ROBO2: variants seen among roughly 807,000 people sequenced by gnomAD.
ROBO2 encodes roundabout homolog 2.
In ROBO2, 53 loss-of-function variants were observed where a neutral mutation model predicts 160.8. The observed-to-expected ratio is 0.33, with a 90% CI of 0.26 to 0.41. The LOEUF (loss-of-function observed/expected upper bound fraction) is 0.41, where lower values mean the gene tolerates loss of function less well. Among genes scored for constraint, ROBO2 ranks in the 10% least tolerant of loss-of-function variants. The probability of loss-of-function intolerance (pLI) is 1.00; values close to 1 mark genes in which losing one functional copy is unlikely to be tolerated. For synonymous variants in ROBO2, 664 were observed against 611.7 expected (o/e 1.09, Z -1.26); for missense variants, 1,577 against 1,722.4 (o/e 0.92, Z 1.49).
rs570287007 is a variant in ROBO2, at chr3:77,478,709, A to T, written c.546+1138A>T. 5.0e-4 allele frequency among the ~76,000 whole-genome samples: 76 copies of T among 152,326 alleles called. 1 individual carries two copies. The highest frequency in any genetic ancestry group is 5.7e-4 in the Non-Finnish European group (39 of 68,032). On this transcript the variant is annotated intron_variant, in intron 3 of 25. Coordinates refer to ENST00000461745, the Ensembl canonical transcript of ROBO2. ...GACTGAATAAATGTGCCATTTTAAT[A>T]AAAAAACTATAAAGTATTGGTATCT...
intron 2 of ROBO2, among the ~76,000 whole-genome samples, chr3:77,229,068 A>G (rs536336746): frequency 6.6e-6 from 1 of 152,264 alleles, no homozygotes; most frequent in East Asian, 1.9e-4. Context: ...ATATTTAAGA[A>G]CTGCTTTTAA....
rs71104641 is a variant in ROBO2 at position 76,939,979 on chromosome 3, A to ATTTTTTTTTT, written c.110-158024_110-158015dup. On this transcript the variant is annotated intron_variant, in intron 2 of 26. Coordinates refer to the ROBO2 transcript ENST00000487694. Reference sequence around the variant, plus strand: ...GGCAGAGGAAGGACAAAGCAACAGGATTTTTTTTTTTTTTTTTTTTGAGAC... The same window carrying ATTTTTTTTTT: ...GGCAGAGGAAGGACAAAGCAACAGGATTTTTTTTTTTTTTTTTTTTTTTTTTTTTTGAGAC... Among the ~76,000 whole-genome samples, 169 of 120,516 alleles carry ATTTTTTTTTT rather than the reference A, an allele frequency of 1.4e-3. 12 individuals are homozygous for ATTTTTTTTTT. Among genetic ancestry groups the ATTTTTTTTTT allele is most frequent in the African/African-American group, 5.6e-3 (159 of 28,628 alleles). The allele number at this position is 120,516 out of a possible 152,430, so 79.1% of individuals were successfully genotyped here. A position where few individuals can be genotyped will look rare whatever the true frequency, so the allele number is the denominator to read the frequency against.
At chr3:77,536,550 A>C (rs2092116266) in intron 6 of ROBO2, among the ~76,000 whole-genome samples, 1 of 151,988 alleles carries the variant, frequency 6.6e-6, no homozygotes, top group Non-Finnish European at 1.5e-5. Context: ...TTGTATTACA[A>C]CCTTCATTGT....
At chr3:77,118,400 G>C (rs897274683) in intron 2 of ROBO2, among the ~76,000 whole-genome samples, 2 of 152,168 alleles carry the variant, frequency 1.3e-5, no homozygotes, top group South Asian at 4.1e-4. Context: ...AGCAGTTGTA[G>C]GGAAGCCATT....
At chr3:76,611,320 A>G (rs1047920406) in intron 2 of ROBO2, among the ~76,000 whole-genome samples, 2 of 152,234 alleles carry the variant, frequency 1.3e-5, no homozygotes, top group Middle Eastern at 3.4e-3. Context: ...GGCCTCATAC[A>G]TACTGAATAG....
At position 77,067,016 on chromosome 3, in the gene ROBO2, A is replaced by G. The variant is rs578030772; in HGVS notation, c.61+26170A>G. Among the ~76,000 whole-genome samples the G allele has an allele frequency of 1.0e-3, 139 of 136,966 alleles. 1 individual carries two copies. The highest frequency in any genetic ancestry group is 1.3e-3 in the Non-Finnish European group (86 of 66,044). 89.9% of individuals were successfully genotyped at this position (136,966 alleles called of 152,430 possible). A position where few individuals can be genotyped will look rare whatever the true frequency, so the allele number is the denominator to read the frequency against. Reference sequence around the variant, plus strand: ...CACACACATACACTCACACACTCTCACACACACACACTCACACACACACAC... The same window carrying G: ...CACACACATACACTCACACACTCTCGCACACACACACTCACACACACACAC... On this transcript the variant is annotated intron_variant, in intron 1 of 25. Transcript: ENST00000461745.
intron 2 of ROBO2, among the ~76,000 whole-genome samples, chr3:76,734,546 A>C (rs910087826): frequency 2.0e-5 from 3 of 152,158 alleles, no homozygotes; most frequent in African/African-American, 7.2e-5. Context: ...GACTTTCAGC[A>C]AATTGATTTT....
intron 9 of ROBO2, among the ~76,000 whole-genome samples, chr3:77,559,992 C>T: frequency 6.6e-6 from 1 of 152,088 alleles, no homozygotes; most frequent in Non-Finnish European, 1.5e-5. Context: ...TGCCAACTCT[C>T]TTTGTGTAAA....
intron 2 of ROBO2, among the ~76,000 whole-genome samples, chr3:76,974,126 A>G (rs1365187308): frequency 6.6e-6 from 1 of 152,204 alleles, no homozygotes; most frequent in Non-Finnish European, 1.5e-5. Context: ...AAATAAAATT[A>G]TCTTTTATTT....
At chr3:77,200,321 A>ATATTTTTT (rs1491568129) in intron 2 of ROBO2, among the ~76,000 whole-genome samples, 4 of 54,910 alleles carry the variant, frequency 7.3e-5, no homozygotes, top group Non-Finnish European at 1.7e-4. Context: ...ATATATATAT[A>ATATTTTTT]TTTTAGTTTC....
chr3:76,432,369 G>T (rs1577146069), intron 2 of ROBO2, among the ~76,000 whole-genome samples: 2 of 152,122 alleles, frequency 1.3e-5, no homozygotes, highest in East Asian at 3.9e-4. Flanking sequence ...AAAACTCAGT[G>T]ACTTAAAACA....
chr3:77,583,233 G>T (rs1464353922), intron 16 of ROBO2, among the ~76,000 whole-genome samples: 1 of 151,854 alleles, frequency 6.6e-6, no homozygotes, highest in African/African-American at 2.4e-5. Context: ...TTCAACTCAG[G>T]GATGCTGTTC....
intron 2 of ROBO2, among the ~76,000 whole-genome samples, chr3:77,031,532 T>G (rs2063323557): frequency 6.8e-6 from 1 of 146,422 alleles, no homozygotes; most frequent in Non-Finnish European, 1.5e-5. Flanking sequence ...TATAATATAT[T>G]CATTTGTATA....
intron 2 of ROBO2, among the ~76,000 whole-genome samples, chr3:76,160,729 TTTTTTC>T (rs960070207): frequency 5.9e-5 from 9 of 152,156 alleles, no homozygotes; most frequent in African/African-American, 2.2e-4. Flanking sequence ...ATGAGAGGGC[TTTTTTC>T]AAACTGAGGT....
chr3:77,126,714 T>TATATATATATATATATATA lies in ROBO2; in HGVS notation c.388+28374_388+28375insATATATATATATATATATA, dbSNP rs1560065744. 1.4e-3 allele frequency among the ~76,000 whole-genome samples: 196 copies of TATATATATATATATATATA among 137,640 alleles called. 2 individuals are homozygous for TATATATATATATATATATA. The highest frequency in any genetic ancestry group is 6.4e-3 in the African/African-American group (188 of 29,228). The allele number at this position is 137,640 out of a possible 152,430, so 90.3% of individuals were successfully genotyped here. A position where few individuals can be genotyped will look rare whatever the true frequency, so the allele number is the denominator to read the frequency against. On this transcript the variant is annotated intron_variant, in intron 2 of 25. Transcript: ENST00000461745. ...TATGGGTGGATATATATATATATAT[T>TATATATATATATATATATA]TTTTTTCCTTTGAAAGATGGTGAAG...
chr3:75,951,755 G>A (rs1303627732), intron 2 of ROBO2, among the ~76,000 whole-genome samples: 3 of 151,702 alleles, frequency 2.0e-5, no homozygotes, highest in Admixed American at 2.0e-4. Flanking sequence ...CTCATGTGTG[G>A]TGGAAAAAAA....
chr3:75,911,552 CTTTT>C (rs56787695), intron 1 of ROBO2, among the ~76,000 whole-genome samples: 2 of 83,548 alleles, frequency 2.4e-5, no homozygotes, highest in Middle Eastern at 0.012. Flanking sequence ...AGCCTTGTTT[CTTTT>C]TTTTTTTTTT....
intron 2 of ROBO2, among the ~76,000 whole-genome samples, chr3:76,107,334 A>G (rs1028014672): frequency 7.9e-5 from 12 of 152,076 alleles, no homozygotes; most frequent in African/African-American, 2.9e-4. Flanking sequence ...TGTCACCTCT[A>G]GACTGTACCA....
rs574271389 is a variant in ROBO2, at chr3:76,566,888, A to T, written c.110-531126A>T. Among the ~76,000 whole-genome samples, 7 of 152,348 alleles carry T rather than the reference A, an allele frequency of 4.6e-5. No individual in the cohort carries two copies. In the East Asian group the frequency reaches 1.3e-3, roughly 29 times the overall value. Reference sequence around the variant, plus strand: ...AGCCCAATTCTGCAGGCATCTCTCAAAATATTTCACTGTGGCACACAGAGA... The same window carrying T: ...AGCCCAATTCTGCAGGCATCTCTCATAATATTTCACTGTGGCACACAGAGA... On this transcript the variant is annotated intron_variant, in intron 2 of 26. Transcript: ENST00000487694.
Sources: allele counts gnomAD v4.1 joint callset (sites outside exome capture counted in the v4.1 genomes callset), GRCh38; gene constraint gnomAD v4.1.1; transcripts MANE v1.5; gene names NCBI Gene and HGNC (gene_info 2026-07-23, HGNC 2026-07-21).